The following GRM5 variants were observed in gnomAD, a reference collection of about 807,000 sequenced individuals.
The protein encoded by GRM5 is metabotropic glutamate receptor 5.
GRM5 carries 19 observed loss-of-function variants against 83.1 expected under a neutral mutation model. The observed-to-expected ratio is 0.23, with a 90% CI of 0.16 to 0.34. The LOEUF is 0.34. GRM5 is among the 10% of genes least tolerant of loss of function. The probability of loss-of-function intolerance (pLI) is 1.00; values close to 1 mark genes in which losing one functional copy is unlikely to be tolerated. For synonymous variants in GRM5, 675 were observed against 633.6 expected, an observed-to-expected ratio of 1.07 and a Z score of -0.98; for missense variants, 1,160 against 1,588.3, an observed-to-expected ratio of 0.73 and a Z score of 4.58.
intron 3 of GRM5, among the ~76,000 whole-genome samples, chr11:88,809,084 T>A (rs1943544950): frequency 6.6e-6 from 1 of 152,050 alleles, no homozygotes; most frequent in South Asian, 2.1e-4. Flanking sequence ...GCATTTTATT[T>A]CTTTTTTAAT....
At chr11:88,671,687 A>G (rs1164300060) in intron 3 of GRM5, among the ~76,000 whole-genome samples, 1 of 152,094 alleles carries the variant, frequency 6.6e-6, no homozygotes, top group Non-Finnish European at 1.5e-5. Flanking sequence ...AAGATTATAC[A>G]TATTCCACTT....
At chr11:88,613,450 C>T (rs1439239358) in intron 4 of GRM5, among the ~76,000 whole-genome samples, 1 of 152,096 alleles carries the variant, frequency 6.6e-6, no homozygotes, top group East Asian at 1.9e-4. Flanking sequence ...TACCATTATA[C>T]AATGCTCTTC....
chr11:89,023,266 C>G (rs1375885846), intron 2 of GRM5, among the ~76,000 whole-genome samples: 1 of 152,000 alleles, frequency 6.6e-6, no homozygotes, highest in African/African-American at 2.4e-5. Context: ...ATTGTTATCC[C>G]TTTCTTTTGT....
chr11:88,903,352 A>G (rs660554), intron 2 of GRM5, among the ~76,000 whole-genome samples: 76,275 of 152,050 alleles, frequency 0.5, 20,322 homozygotes, highest in South Asian at 0.66. Flanking sequence ...TTCTCAAAGA[A>G]CTAAAAATAG....
At chr11:88,579,252 T>C in intron 7 of GRM5, among the ~76,000 whole-genome samples, 1 of 152,268 alleles carries the variant, frequency 6.6e-6, no homozygotes, top group Non-Finnish European at 1.5e-5. Flanking sequence ...TTACCTTTCT[T>C]CCATCCTGTA....
chr11:89,052,957 T>C (rs1941791797), intron 1 of GRM5, among the ~76,000 whole-genome samples: 2 of 152,292 alleles, frequency 1.3e-5, no homozygotes, highest in South Asian at 4.1e-4. Flanking sequence ...ATAATGGAGC[T>C]AGAATTTATG....
At chr11:88,969,936 A>G (rs1306166547) in intron 2 of GRM5, among the ~76,000 whole-genome samples, 1 of 152,070 alleles carries the variant, frequency 6.6e-6, no homozygotes, top group Non-Finnish European at 1.5e-5. Context: ...ACTTTTATAC[A>G]TGATGTTATC....
At chr11:88,736,186 G>A (rs1275560117) in intron 3 of GRM5, among the ~76,000 whole-genome samples, 1 of 151,954 alleles carries the variant, frequency 6.6e-6, no homozygotes, top group Non-Finnish European at 1.5e-5. Context: ...AAAATATAAG[G>A]TCAGCCTCAA....
intron 3 of GRM5, among the ~76,000 whole-genome samples, chr11:88,746,441 A>G (rs1412174643): frequency 6.6e-6 from 1 of 152,106 alleles, no homozygotes; most frequent in Non-Finnish European, 1.5e-5. Context: ...TAAGTGTCAC[A>G]TTTGTGCTGA....
intron 2 of GRM5, among the ~76,000 whole-genome samples, chr11:88,922,354 C>A (rs563480888): frequency 6.6e-6 from 1 of 152,204 alleles, no homozygotes; most frequent in East Asian, 1.9e-4. Flanking sequence ...ATAAACAAAA[C>A]AGCATGGTGA....
At position 88,882,244 on chromosome 11, in the gene GRM5, G is replaced by GTAAATAAA. The variant is rs142671487; in HGVS notation, c.662-32090_662-32089insTTTATTTA. On this transcript the variant is annotated intron_variant, in intron 2 of 9. Coordinates refer to ENST00000305447, the MANE Select transcript of GRM5 (RefSeq NM_001143831.3). ...AGAGTGACACTCTGAATCAAAATAAGTAAGTAAATAAATAAATAAATAAAT... is the reference window on the plus strand; with the variant it reads ...AGAGTGACACTCTGAATCAAAATAAGTAAATAAATAAGTAAATAAATAAATAAATAAAT... Among the ~76,000 whole-genome samples, 13 of 33,112 alleles carry GTAAATAAA rather than the reference G, an allele frequency of 3.9e-4. No individual in the cohort carries two copies. The East Asian group carries it at 5.2e-3, about 13-fold the overall frequency. The allele number at this position is 33,112 out of a possible 152,430, so 21.7% of individuals were successfully genotyped here.
At chr11:89,003,846 A>T (rs1465892391) in intron 2 of GRM5, among the ~76,000 whole-genome samples, 1 of 152,202 alleles carries the variant, frequency 6.6e-6, no homozygotes, top group African/African-American at 2.4e-5. Flanking sequence ...GCCCAGGCAC[A>T]GGTGTAAATT....
intron 3 of GRM5, among the ~76,000 whole-genome samples, chr11:88,795,508 T>C (rs1943259780): frequency 6.6e-6 from 1 of 152,210 alleles, no homozygotes; most frequent in African/African-American, 2.4e-5. Context: ...AAAGGATTGC[T>C]TTCCATTTGA....
intron 1 of GRM5, among the ~76,000 whole-genome samples, chr11:89,057,567 T>C (rs1457028417): frequency 6.6e-6 from 1 of 152,154 alleles, no homozygotes; most frequent in Non-Finnish European, 1.5e-5. Context: ...TTTAAACAAG[T>C]GGTTTAGCAG....
At chr11:89,048,153 G>C (rs1354595140) in intron 1 of GRM5, 81 bp from the exon 2 acceptor site, 2 of 331,494 alleles carry the variant, frequency 6.0e-6, no homozygotes, top group Non-Finnish European at 5.5e-6. Context: ...CATGTTAGCA[G>C]AGAAAATATT....
chr11:88,705,591 G>A (rs2135378234), intron 3 of GRM5, among the ~76,000 whole-genome samples: 1 of 117,054 alleles, frequency 8.5e-6, no homozygotes, highest in East Asian at 2.6e-4. Context: ...TGTTTCCTGA[G>A]TAGAGCAGGG....
intron 2 of GRM5, among the ~76,000 whole-genome samples, chr11:89,001,139 T>A (rs1242953211): frequency 6.6e-6 from 1 of 151,720 alleles, no homozygotes; most frequent in African/African-American, 2.4e-5. Context: ...CAGGAGACAA[T>A]GTTAAGGTTT....
At chr11:88,804,508 G>A (rs971764856) in intron 3 of GRM5, among the ~76,000 whole-genome samples, 4 of 151,626 alleles carry the variant, frequency 2.6e-5, no homozygotes, top group Non-Finnish European at 4.4e-5. Flanking sequence ...GACACAGGAA[G>A]GGGAACATCA....
At chr11:88,855,803 C>A (rs1944465213) in intron 2 of GRM5, among the ~76,000 whole-genome samples, 1 of 151,686 alleles carries the variant, frequency 6.6e-6, no homozygotes, top group Non-Finnish European at 1.5e-5. Context: ...TTTACATATC[C>A]TTCTTTTCAA....
Sources: allele counts gnomAD v4.1 joint callset (sites outside exome capture counted in the v4.1 genomes callset), GRCh38; gene constraint gnomAD v4.1.1; transcripts MANE v1.5; gene names NCBI Gene and HGNC (gene_info 2026-07-23, HGNC 2026-07-21).